The following RBM46 variants were observed in gnomAD, a reference collection of about 807,000 sequenced individuals.
RBM46 encodes RNA binding motif protein 46.
RBM46 carries 12 observed loss-of-function variants against 43.3 expected under a neutral mutation model. The ratio of observed to expected loss-of-function variants is 0.28; its 90% CI spans 0.18 to 0.45. The LOEUF (loss-of-function observed/expected upper bound fraction) is 0.45. Ranked by LOEUF, RBM46 falls within the 20% of genes least tolerant of loss-of-function variation. RBM46 has a pLI of 1.00. For synonymous variants in RBM46, 205 were observed against 207.6 expected, an observed-to-expected ratio of 0.99 and a Z score of 0.11; for missense variants, 412 against 639.1, an observed-to-expected ratio of 0.64 and a Z score of 3.83.
At position 154,827,944 on chromosome 4, in the gene RBM46, G is replaced by T; in HGVS notation, c.1479G>T (p.Val493=). The change falls in exon 5 of 5, where the codon GTG becomes GTT. Residue 493 remains valine, a synonymous_variant. Transcript: ENST00000281722. ...CCCTCTCTTCTGGGACTCCCAGCGT[G>T]CTTCCTTATACTTCAAGGCCTTATT... The part of the protein sequence containing the change: ...SATLSSGTPS[V]LPYTSRPYSY... 1.2e-6 allele frequency: 2 copies of T among 1,613,798 alleles called. No individual in the cohort carries two copies. The highest frequency in any genetic ancestry group is 1.7e-6 in the Non-Finnish European group (2 of 1,179,764).
intron 4 of RBM46, among the ~76,000 whole-genome samples, chr4:154,803,365 C>A (rs1281986187): frequency 6.6e-6 from 1 of 152,000 alleles, no homozygotes; most frequent in Non-Finnish European, 1.5e-5. Flanking sequence ...CAAGGAATGA[C>A]CTCTCTTATC....
chr4:154,807,903 G>T (rs575720711), intron 4 of RBM46, among the ~76,000 whole-genome samples: 1 of 152,020 alleles, frequency 6.6e-6, no homozygotes, highest in East Asian at 1.9e-4. Flanking sequence ...TGAGCTATAA[G>T]AATGGCCTGC....
At chr4:154,793,642 A>C (rs887875570) in intron 1 of RBM46, among the ~76,000 whole-genome samples, 3 of 152,166 alleles carry the variant, frequency 2.0e-5, no homozygotes, top group Admixed American at 6.5e-5. Flanking sequence ...GGAAGCCTGC[A>C]GGTGTTTTGT....
intron 4 of RBM46, among the ~76,000 whole-genome samples, chr4:154,819,909 A>G (rs972971646): frequency 6.6e-6 from 1 of 152,028 alleles, no homozygotes; most frequent in African/African-American, 2.4e-5. Context: ...TATTTTGGCC[A>G]TCTATCTTTT....
intron 1 of RBM46, among the ~76,000 whole-genome samples, chr4:154,794,731 C>T (rs551587985): frequency 6.6e-6 from 1 of 152,274 alleles, no homozygotes; most frequent in African/African-American, 2.4e-5. Context: ...CATGGGTAGG[C>T]TCCTTAATTC....
At chr4:154,789,435 G>A (rs1733965425) in intron 1 of RBM46, among the ~76,000 whole-genome samples, 1 of 152,176 alleles carries the variant, frequency 6.6e-6, no homozygotes, top group African/African-American at 2.4e-5. Flanking sequence ...AGATAATCAT[G>A]TGGTTTTTGT....
chr4:154,824,086 TTC>T (rs1306856818), intron 4 of RBM46, among the ~76,000 whole-genome samples: 1 of 146,004 alleles, frequency 6.8e-6, no homozygotes, highest in Non-Finnish European at 1.5e-5. Context: ...AGAGCAGTTG[TTC>T]TCTTTTTTTT....
intron 3 of RBM46, 50 bp from the exon 4 acceptor site, chr4:154,798,732 C>G (rs754619502): frequency 7.7e-7 from 1 of 1,302,818 alleles, no homozygotes; most frequent in East Asian, 2.7e-5. Context: ...ACATCTTTAC[C>G]TTTTATTCTT....
chr4:154,790,983 G>A (rs754439846), intron 1 of RBM46, among the ~76,000 whole-genome samples: 35 of 152,174 alleles, frequency 2.3e-4, no homozygotes, highest in Admixed American at 5.9e-4. Flanking sequence ...CCATTGTGCT[G>A]TTTATCTGTA....
chr4:154,794,356 A>G (rs1426923632), intron 1 of RBM46, among the ~76,000 whole-genome samples: 1 of 150,990 alleles, frequency 6.6e-6, no homozygotes, highest in Non-Finnish European at 1.5e-5. Context: ...AAATTTTTCT[A>G]TTTTTACTAG....
rs772649494 is a variant in RBM46, at chr4:154,799,146, A to T, written c.984A>T (p.Glu328Asp). The T allele has an allele frequency of 1.9e-6, 3 of 1,614,140 alleles. No individual in the cohort carries two copies. In the Admixed American group the frequency reaches 5.0e-5, roughly 27 times the overall value. ...ATGGTCAGATTAGTCCAAATTCTGA[A>T]AATCTGATTGTGTTTGCTAACAAAG... ...HLNGQISPNS[E>D]NLIVFANKEE... is the part of the protein sequence containing the mutation. Residue 328 changes from glutamate to aspartate, a missense_variant, in exon 4 of 5, where the codon GAA (glutamate) becomes GAT (aspartate). Glu to Asp is a conservative substitution (Grantham distance 45). Coordinates refer to ENST00000281722, the MANE Select transcript of RBM46 (RefSeq NM_144979.5).
At chr4:154,788,673 G>A (rs1315404471) in intron 1 of RBM46, among the ~76,000 whole-genome samples, 4 of 152,058 alleles carry the variant, frequency 2.6e-5, no homozygotes, top group African/African-American at 9.7e-5. Context: ...GTAGGCTCTT[G>A]TTTGGTTCCA....
chr4:154,790,559 A>G (rs1734034025), intron 1 of RBM46: 1 of 152,196 alleles, frequency 6.6e-6, no homozygotes, highest in Non-Finnish European at 1.5e-5. Context: ...TTCAAATGTA[A>G]ATACATCTTA....
At chr4:154,787,219 C>CT (rs1733821984) in intron 1 of RBM46, 1 of 151,446 alleles carries the variant, frequency 6.6e-6, no homozygotes, top group African/African-American at 2.4e-5. Flanking sequence ...TTTTTTAATA[C>CT]TTTAAGTTCT....
chr4:154,821,314 T>C lies in RBM46; in HGVS notation c.1403-6554T>C, dbSNP rs764926898. Among the ~76,000 whole-genome samples, 44 of 151,840 alleles carry C rather than the reference T, an allele frequency of 2.9e-4. 1 individual carries two copies. Among genetic ancestry groups the C allele is most frequent in the Admixed American group, 4.6e-4 (7 of 15,234 alleles). On this transcript the variant is annotated intron_variant, in intron 4 of 4. Coordinates refer to ENST00000281722, the MANE Select transcript of RBM46 (RefSeq NM_144979.5). ...GAATTACAAGGACTGATTTTACTTA[T>C]AGAAATAAAACTTGAAAAGAATTGC...
intron 4 of RBM46, among the ~76,000 whole-genome samples, chr4:154,817,342 T>C (rs894417718): frequency 2.0e-5 from 3 of 150,270 alleles, no homozygotes; most frequent in Non-Finnish European, 4.4e-5. Flanking sequence ...TTTTTTTTTT[T>C]TTTTTTTTGA....
intron 1 of RBM46, among the ~76,000 whole-genome samples, chr4:154,786,575 T>G (rs1305779996): frequency 6.6e-6 from 1 of 152,142 alleles, no homozygotes; most frequent in Non-Finnish European, 1.5e-5. Context: ...ATTGTCTACT[T>G]TCTCTTTCTG....
intron 4 of RBM46, among the ~76,000 whole-genome samples, chr4:154,815,891 T>C (rs780960888): frequency 6.6e-6 from 1 of 152,034 alleles, no homozygotes; most frequent in Non-Finnish European, 1.5e-5. Flanking sequence ...AGAAACTTCA[T>C]ATCATACCTA....
intron 4 of RBM46, among the ~76,000 whole-genome samples, chr4:154,810,506 A>C (rs1014734390): frequency 2.0e-5 from 3 of 152,150 alleles, no homozygotes; most frequent in Non-Finnish European, 4.4e-5. Flanking sequence ...AAATGTTTGA[A>C]GTGCTCGCAC....
Sources: gnomAD v4.1 joint callset for allele counts (sites outside exome capture counted in the v4.1 genomes callset) on GRCh38, gnomAD v4.1.1 for gene constraint, MANE v1.5 for transcripts, NCBI Gene and HGNC (gene_info 2026-07-23, HGNC 2026-07-21) for gene names.